The following MYO7A variants were observed in gnomAD, a reference collection of about 807,000 sequenced individuals.
MYO7A encodes unconventional myosin-VIIa.
In MYO7A, 210 loss-of-function variants were observed where a neutral mutation model predicts 263.8. The ratio of observed to expected loss-of-function variants is 0.80; its 90% confidence interval spans 0.71 to 0.89. MYO7A has a LOEUF of 0.89. Ranked by LOEUF, MYO7A falls within the 40% of genes least tolerant of loss-of-function variation. The pLI is 0.00. For synonymous variants in MYO7A, 1,239 were observed against 1,197.3 expected (o/e 1.03, Z -0.72); for missense variants, 2,820 against 2,968.3 (o/e 0.95, Z 1.16).
At chr11:77,204,905 A>C (rs527978522) in intron 39 of MYO7A, among the ~76,000 whole-genome samples, 1 of 152,292 alleles carries the variant, frequency 6.6e-6, no homozygotes, top group African/African-American at 2.4e-5. Flanking sequence ...CCTTCTCTGC[A>C]TGCCGTAATT....
chr11:77,147,888 G>T lies in MYO7A; in HGVS notation c.223G>T (p.Asp75Tyr), dbSNP rs1565320509. ...CGTGGAGGACATGATCCGCCTGGGG[G>T]ACCTCAACGAGGCGGGCATCTTGCG... Reference protein sequence around the residue: ...HGVEDMIRLGDLNEAGILRNL... With the variant: ...HGVEDMIRLGYLNEAGILRNL... Residue 75 changes from aspartate to tyrosine, a missense_variant, in exon 4 of 49, where the codon GAC becomes TAC. By Grantham distance (160) the Asp-to-Tyr change is radical (BLOSUM62 -3). Coordinates refer to ENST00000409709, the MANE Select transcript of MYO7A (RefSeq NM_000260.4). The T allele has an allele frequency of 6.3e-7, 1 of 1,594,638 alleles. No individual in the cohort carries two copies. The highest frequency in any genetic ancestry group is 1.7e-5 in the Admixed American group (1 of 57,394).
In MYO7A at chr11:77,174,804, A is replaced by T. The variant is rs782485961; in HGVS notation, c.1984A>T (p.Met662Leu). 10 of 1,611,914 alleles carry T rather than the reference A, an allele frequency of 6.2e-6. No individual in the cohort carries two copies. The East Asian group carries it at 6.7e-5, about 11-fold the overall frequency. The change falls in exon 17 of 49, where the codon ATG (methionine) becomes TTG (leucine). Residue 662 changes from methionine (M) to leucine (L), a missense_variant. By Grantham distance (15) the Met-to-Leu change is conservative (BLOSUM62 2). Transcript: ENST00000409709. Reference protein sequence around the residue: ...CVRQLRYSGMMETIRIRRAGY... With the variant: ...CVRQLRYSGMLETIRIRRAGY... The stretch of plus-strand genomic sequence containing the variant: ...GCGCCAGCTGCGGTACTCAGGAATG[A>T]TGGAGACCATCCGAATCCGCCGAGC...
chr11:77,139,389 T>C (rs1365354906), intron 2 of MYO7A: 1 of 152,188 alleles, frequency 6.6e-6, no homozygotes, highest in Non-Finnish European at 1.5e-5. Context: ...GCCCTGGTCA[T>C]ATATTTGATA....
At chr11:77,173,907 C>T (rs2135417465) in intron 16 of MYO7A, among the ~76,000 whole-genome samples, 1 of 152,132 alleles carries the variant, frequency 6.6e-6, no homozygotes, top group Middle Eastern at 3.4e-3. Context: ...CCAGGGCAGT[C>T]GGGCACAGTC....
chr11:77,130,728 C>T, intron 2 of MYO7A, 76 bp downstream of exon 2: 1 of 1,517,294 alleles, frequency 6.6e-7, no homozygotes, highest in Non-Finnish European at 9.1e-7. Context: ...ACCCGTGGGA[C>T]ACCCTCCCCA....
chr11:77,172,156 C>T (rs559326130), intron 15 of MYO7A, among the ~76,000 whole-genome samples: 1 of 152,298 alleles, frequency 6.6e-6, no homozygotes, highest in Admixed American at 6.5e-5. Flanking sequence ...CACCACCTTT[C>T]TAGGTTGCTG....
chr11:77,211,968 G>GAGGGGAACA (rs1289193076), intron 46 of MYO7A, 31 bp downstream of exon 46: 1 of 1,553,074 alleles, frequency 6.4e-7, no homozygotes, highest in Admixed American at 1.7e-5. Context: ...AGCAGAGGAG[G>GAGGGGAACA]AGGGGAACAG....
rs1274944904 is a variant in MYO7A, at chr11:77,177,471, G to A, written c.2188-78G>A. 3 of 1,148,640 alleles carry A rather than the reference G, an allele frequency of 2.6e-6. No homozygotes were observed. In the African/African-American group the frequency reaches 4.6e-5, roughly 18 times the overall value. The allele number at this position is 1,148,640 out of a possible 1,614,324, so 71.2% of individuals were successfully genotyped here. ...TTGACCTGTGCTCCCAGTGAAGGAA[G>A]AGCAGCCCCCACTGGGACTGAGCAG... On this transcript the variant is annotated intron_variant, in intron 18 of 48. Coordinates refer to ENST00000409709, the MANE Select transcript of MYO7A (RefSeq NM_000260.4).
chr11:77,199,190 C>T (rs1012097973), intron 34 of MYO7A, among the ~76,000 whole-genome samples: 1 of 152,186 alleles, frequency 6.6e-6, no homozygotes, highest in South Asian at 2.1e-4. Flanking sequence ...AGACACATGC[C>T]AGGCACACAG....
In MYO7A at chr11:77,180,070, C is replaced by G. The variant is rs1362052509; in HGVS notation, c.2586+117C>G. 1.3e-5 allele frequency: 15 copies of G among 1,116,326 alleles called. No individual in the cohort carries two copies. The East Asian group carries it at 3.4e-4, about 25-fold the overall frequency. The allele number at this position is 1,116,326 out of a possible 1,614,324, so 69.2% of individuals were successfully genotyped here. The stretch of plus-strand genomic sequence containing the variant: ...CTATAGGGGGGACCTGCAGTTATGC[C>G]TGCTCTGAGGAGTGCACATACCTGG... On this transcript the variant is annotated intron_variant, in intron 21 of 48. Coordinates refer to ENST00000409709, the MANE Select transcript of MYO7A (RefSeq NM_000260.4).
intron 22 of MYO7A, among the ~76,000 whole-genome samples, chr11:77,180,875 C>G (rs1555083687): frequency 6.6e-6 from 1 of 152,132 alleles, no homozygotes; most frequent in African/African-American, 2.4e-5. Flanking sequence ...GTGTGAAATA[C>G]TAGATTTTGA....
In MYO7A at chr11:77,173,214, G is replaced by C. The variant is rs552832724; in HGVS notation, c.1935+329G>C. On this transcript the variant is annotated intron_variant, in intron 16 of 48. Transcript: ENST00000409709. ...GGACTGACCGTATCTACCTCCTAAG[G>C]CTATTCCATGCAGTAATGCTTGCAG... Among the ~76,000 whole-genome samples the C allele has an allele frequency of 8.5e-5, 13 of 152,310 alleles. No homozygotes were observed. In the South Asian group the frequency reaches 2.7e-3, roughly 32 times the overall value.
At chr11:77,213,315 G>T (rs1425298877) in intron 47 of MYO7A, among the ~76,000 whole-genome samples, 1 of 152,234 alleles carries the variant, frequency 6.6e-6, no homozygotes, top group East Asian at 1.9e-4. Context: ...GCCCATGCAG[G>T]TCATGGGGCT....
intron 38 of MYO7A, 61 bp from the exon 39 acceptor site, chr11:77,204,015 C>T: frequency 1.3e-6 from 2 of 1,509,204 alleles, no homozygotes; most frequent in Non-Finnish European, 1.8e-6. Flanking sequence ...GAAGTGGGGC[C>T]TCCGGACCCC....
chr11:77,147,326 G>A (rs1359585477), intron 3 of MYO7A, among the ~76,000 whole-genome samples: 3 of 151,904 alleles, frequency 2.0e-5, no homozygotes, highest in South Asian at 4.1e-4. Context: ...ATCTCAAGCA[G>A]CTCCCCCCAT....
At chr11:77,148,015 C>A in intron 4 of MYO7A, 65 bp downstream of exon 4, 2 of 1,398,988 alleles carry the variant, frequency 1.4e-6, no homozygotes, top group Non-Finnish European at 1.9e-6. Flanking sequence ...CACCTCGCCC[C>A]ACCCCGCCCG....
Position 77,163,335 on chromosome 11 carries a change from A to G in MYO7A, c.1690+347A>G, listed in dbSNP as rs541582051. Among the ~76,000 whole-genome samples the G allele has an allele frequency of 5.9e-5, 9 of 152,220 alleles. No homozygotes were observed. In the East Asian group the frequency reaches 1.7e-3, roughly 29 times the overall value. ...TTTGACTATTCTAGGTACCTCATAT[A>G]AGTGGAATCATATGCTATGGCCATA... On this transcript the variant is annotated intron_variant, in intron 14 of 48. Transcript: ENST00000409709.
Position 77,204,250 on chromosome 11 carries a change from G to A in MYO7A, c.5480+21G>A, listed in dbSNP as rs527297109. 2.9e-5 allele frequency: 45 copies of A among 1,559,210 alleles called. 1 individual carries two copies. The Admixed American group carries it at 3.7e-4, about 13-fold the overall frequency. ...ATCAGGTGAGCCAGGCACAGTGGGCGGATGAGGGGCAGACCTCACCTGCTG... is the reference window on the plus strand; with the variant it reads ...ATCAGGTGAGCCAGGCACAGTGGGCAGATGAGGGGCAGACCTCACCTGCTG... On this transcript the variant is annotated intron_variant, in intron 39 of 48. Transcript: ENST00000409709.
intron 15 of MYO7A, among the ~76,000 whole-genome samples, chr11:77,170,037 C>A (rs1953939035): frequency 6.6e-6 from 1 of 152,214 alleles, no homozygotes; most frequent in Non-Finnish European, 1.5e-5. Context: ...TACCACTGTG[C>A]TCCAGCCTGG....
Sources: gnomAD v4.1 joint callset for allele counts (sites outside exome capture counted in the v4.1 genomes callset) on GRCh38, gnomAD v4.1.1 for gene constraint, MANE v1.5 for transcripts, NCBI Gene and HGNC (gene_info 2026-07-23, HGNC 2026-07-21) for gene names.